C10orf90: variants seen among roughly 807,000 people sequenced by gnomAD.
The protein encoded by C10orf90 is chromosome 10 open reading frame 90.
C10orf90 carries 56 observed loss-of-function variants against 62.5 expected under a neutral mutation model. The ratio of observed to expected loss-of-function variants is 0.90; its 90% CI spans 0.72 to 1.12. The LOEUF (loss-of-function observed/expected upper bound fraction) is 1.12. C10orf90 is among the 50% of genes most tolerant of loss of function. The pLI, the probability that C10orf90 is intolerant of heterozygous loss-of-function variation, is 0.00. For synonymous variants in C10orf90, 386 were observed against 340.4 expected (o/e 1.13, Z -1.47); for missense variants, 970 against 880.4 (o/e 1.10, Z -1.29).
intron 2 of C10orf90, among the ~76,000 whole-genome samples, chr10:126,552,089 G>A (rs1477998975): frequency 6.6e-6 from 1 of 152,212 alleles, no homozygotes; most frequent in Non-Finnish European, 1.5e-5. Context: ...GGGGTAAGAA[G>A]TGATTGGTAA....
chr10:126,519,258 A>ACCCC (rs908996968), intron 2 of C10orf90, among the ~76,000 whole-genome samples: 4 of 152,134 alleles, frequency 2.6e-5, no homozygotes, highest in Non-Finnish European at 5.9e-5. Flanking sequence ...AAGCAGAAAA[A>ACCCC]CCCAGCCTAT....
In C10orf90 at chr10:126,670,446, G is replaced by T. The variant is rs545978851; in HGVS notation, c.35C>A (p.Pro12Gln). ...TGTGTAGCGGGCAGCATACCCCTGC[G>T]GATGAGTTTTTGTAGGAATTCCAGA... ...QHSGIPTKTH[P>Q]QGYAARYTET... Residue 12 changes from proline (P) to glutamine (Q), a missense_variant, in exon 1 of 10, where the codon CCG (proline) becomes CAG (glutamine). By Grantham distance (76) the Pro-to-Gln change is moderately conservative. Coordinates refer to ENST00000488181, the MANE Select transcript of C10orf90 (RefSeq NM_001350921.2). 1 of 456,646 alleles carries T rather than the reference G, an allele frequency of 2.2e-6. No homozygotes were observed. Among genetic ancestry groups the T allele is most frequent in the South Asian group, 1.5e-5 (1 of 64,566 alleles). The allele number at this position is 456,646 out of a possible 1,614,324, so 28.3% of individuals were successfully genotyped here.
chr10:126,603,934 G>GC (rs1845252948), intron 2 of C10orf90, among the ~76,000 whole-genome samples: 2 of 152,132 alleles, frequency 1.3e-5, no homozygotes, highest in South Asian at 2.1e-4. Context: ...AAATCCAGAG[G>GC]CCCTCCCCTT....
chr10:126,651,912 T>G (rs138689648), intron 1 of C10orf90, among the ~76,000 whole-genome samples: 1 of 152,138 alleles, frequency 6.6e-6, no homozygotes, highest in Non-Finnish European at 1.5e-5. Flanking sequence ...CCAAGGGATG[T>G]AGGAGGCTCC....
intron 7 of C10orf90, among the ~76,000 whole-genome samples, chr10:126,455,646 T>C (rs1042022318): frequency 1.3e-5 from 2 of 152,214 alleles, no homozygotes; most frequent in African/African-American, 4.8e-5. Flanking sequence ...TTGTATTTAT[T>C]GGCTCTGAGA....
intron 2 of C10orf90, among the ~76,000 whole-genome samples, chr10:126,516,079 T>C (rs1165153792): frequency 6.6e-6 from 1 of 152,182 alleles, no homozygotes; most frequent in Non-Finnish European, 1.5e-5. Flanking sequence ...GTTAAGAACT[T>C]TGGAGTCAAC....
chr10:126,652,524 C>T (rs778541179), intron 1 of C10orf90, among the ~76,000 whole-genome samples: 3 of 152,126 alleles, frequency 2.0e-5, no homozygotes, highest in Admixed American at 6.5e-5. Context: ...ACTATTTCTG[C>T]TCTTGGAGGT....
intron 2 of C10orf90, among the ~76,000 whole-genome samples, chr10:126,598,226 C>T (rs1845124728): frequency 6.6e-6 from 1 of 152,176 alleles, no homozygotes; most frequent in Non-Finnish European, 1.5e-5. Flanking sequence ...ACACAGGATG[C>T]TGCGCACTAC....
rs540884819 is a variant in C10orf90, at chr10:126,457,080, C to T, written c.2188+1960G>A. ...ATGGCTCACTGCAGCCATGACCTAGCGAAGCTCAGGTGATCCTTGCACCTC... is the reference window on the plus strand; with the variant it reads ...ATGGCTCACTGCAGCCATGACCTAGTGAAGCTCAGGTGATCCTTGCACCTC... On this transcript the variant is annotated intron_variant, in intron 7 of 9. Coordinates refer to ENST00000488181, the MANE Select transcript of C10orf90 (RefSeq NM_001350921.2). 1.3e-3 allele frequency among the ~76,000 whole-genome samples: 192 copies of T among 152,268 alleles called. 2 individuals carry two copies. Among genetic ancestry groups the T allele is most frequent in the Middle Eastern group, 3.4e-3 (1 of 294 alleles).
intron 2 of C10orf90, among the ~76,000 whole-genome samples, chr10:126,616,932 C>T (rs1845553110): frequency 6.6e-6 from 1 of 152,164 alleles, no homozygotes. Context: ...CTTCCCACAC[C>T]TCCCCTTCTA....
intron 2 of C10orf90, among the ~76,000 whole-genome samples, chr10:126,608,638 C>T (rs1378875249): frequency 6.6e-6 from 1 of 152,134 alleles, no homozygotes; most frequent in African/African-American, 2.4e-5. Context: ...TATTTCAATC[C>T]AGACAGCACA....
intron 4 of C10orf90, among the ~76,000 whole-genome samples, chr10:126,503,482 T>C (rs1330821671): frequency 6.6e-6 from 1 of 152,022 alleles, no homozygotes; most frequent in African/African-American, 2.4e-5. Context: ...ACTTACACGC[T>C]CCATTATGAA....
At chr10:126,537,501 G>A (rs1312505594) in intron 2 of C10orf90, among the ~76,000 whole-genome samples, 3 of 152,158 alleles carry the variant, frequency 2.0e-5, no homozygotes, top group African/African-American at 7.2e-5. Flanking sequence ...GAGCTGCCCG[G>A]GGAGTCCTCT....
At chr10:126,654,820 C>T (rs1233375539) in intron 1 of C10orf90, among the ~76,000 whole-genome samples, 1 of 152,148 alleles carries the variant, frequency 6.6e-6, no homozygotes, top group African/African-American at 2.4e-5. Flanking sequence ...CTTCCTTTCA[C>T]TTGAACACTC....
intron 8 of C10orf90, among the ~76,000 whole-genome samples, chr10:126,427,385 A>G (rs138397391): frequency 2.6e-5 from 4 of 152,286 alleles, no homozygotes; most frequent in African/African-American, 9.6e-5. Flanking sequence ...AGAGTGGTTA[A>G]TATTAGGTGT....
chr10:126,500,207 C>A (rs1321431075), intron 4 of C10orf90, among the ~76,000 whole-genome samples: 1 of 152,192 alleles, frequency 6.6e-6, no homozygotes, highest in Non-Finnish European at 1.5e-5. Flanking sequence ...TCATAAGCAG[C>A]CTTCAGATAC....
At chr10:126,461,684 A>C in intron 5 of C10orf90, 99 bp from the exon 6 acceptor site, 385 of 1,153,696 alleles carry the variant, frequency 3.3e-4, no homozygotes, top group East Asian at 9.1e-4. Flanking sequence ...TGAAAATAGA[A>C]ACGCCAGTGG....
chr10:126,522,035 A>C (rs1462314830), intron 2 of C10orf90, among the ~76,000 whole-genome samples: 1 of 152,134 alleles, frequency 6.6e-6, no homozygotes, highest in Non-Finnish European at 1.5e-5. Context: ...TTGGGAGGCC[A>C]AGGTGGGTGG....
chr10:126,528,610 A>C (rs1836945), intron 2 of C10orf90, among the ~76,000 whole-genome samples: 10,400 of 152,264 alleles, frequency 0.068, 1,167 homozygotes, highest in African/African-American at 0.23. Context: ...CTGGACCGTG[A>C]TCAAGGCCAG....
Sources: gnomAD v4.1 joint callset for allele counts (sites outside exome capture counted in the v4.1 genomes callset) on GRCh38, gnomAD v4.1.1 for gene constraint, MANE v1.5 for transcripts, NCBI Gene and HGNC (gene_info 2026-07-23, HGNC 2026-07-21) for gene names.